The following DIP2B variants were observed in gnomAD, a reference collection of about 807,000 sequenced individuals.
DIP2B encodes the protein disco-interacting protein 2 homolog B.
Under a neutral mutation model 198.0 loss-of-function variants are expected in DIP2B, and 76 were observed. The ratio of observed to expected loss-of-function variants is 0.38; its 90% CI spans 0.32 to 0.46. The LOEUF (loss-of-function observed/expected upper bound fraction) is 0.46. Ranked by LOEUF, DIP2B falls within the 20% of genes least tolerant of loss-of-function variation. The probability of loss-of-function intolerance (pLI) is 0.99; values close to 1 mark genes in which losing one functional copy is unlikely to be tolerated. For synonymous variants in DIP2B, 701 were observed against 739.1 expected (o/e 0.95, Z 0.84); for missense variants, 1,559 against 1,978.4 (o/e 0.79, Z 4.02).
At chr12:50,682,392 A>G (rs1195995831) in intron 9 of DIP2B, among the ~76,000 whole-genome samples, 2 of 152,108 alleles carry the variant, frequency 1.3e-5, no homozygotes. Context: ...TTGGGAGGCC[A>G]AGGCAGGCAG....
At chr12:50,739,777 G>A (rs1327834833) in intron 36 of DIP2B, among the ~76,000 whole-genome samples, 191 bp downstream of exon 36, 2 of 152,218 alleles carry the variant, frequency 1.3e-5, no homozygotes, top group Non-Finnish European at 2.9e-5. Flanking sequence ...AGAGGTGAGC[G>A]CTTGGGGCAA....
intron 1 of DIP2B, among the ~76,000 whole-genome samples, chr12:50,518,859 A>G (rs766245983): frequency 6.6e-5 from 10 of 151,878 alleles, no homozygotes; most frequent in Non-Finnish European, 1.2e-4. Flanking sequence ...TACACAAGCA[A>G]TCCTCCAAGT....
intron 4 of DIP2B, among the ~76,000 whole-genome samples, chr12:50,663,872 TAAAAAAAAAAAA>T (rs397934701): frequency 9.5e-6 from 1 of 104,844 alleles, no homozygotes; most frequent in Non-Finnish European, 1.9e-5. Context: ...CCCATCTCTT[TAAAAAAAAAAAA>T]AAAAAAAAAA....
At chr12:50,660,894 C>A (rs1938634332) in intron 4 of DIP2B, among the ~76,000 whole-genome samples, 1 of 152,044 alleles carries the variant, frequency 6.6e-6, no homozygotes, top group Non-Finnish European at 1.5e-5. Flanking sequence ...TTTTAAGAAT[C>A]TACTTTTTAT....
intron 22 of DIP2B, among the ~76,000 whole-genome samples, chr12:50,709,132 A>G (rs1480538121): frequency 2.0e-5 from 3 of 152,238 alleles, no homozygotes; most frequent in African/African-American, 7.2e-5. Context: ...TCCCAGCTCC[A>G]CTTCTTACCA....
intron 3 of DIP2B, among the ~76,000 whole-genome samples, chr12:50,655,392 A>G (rs1938537264): frequency 6.6e-6 from 1 of 152,236 alleles, no homozygotes; most frequent in Non-Finnish European, 1.5e-5. Context: ...TTGGGGCAGA[A>G]GTGATTGTTC....
At chr12:50,518,338 C>A (rs532586011) in intron 1 of DIP2B, among the ~76,000 whole-genome samples, 2 of 151,644 alleles carry the variant, frequency 1.3e-5, no homozygotes, top group Admixed American at 1.3e-4. Flanking sequence ...GATTCTGCTT[C>A]TTCAGCCTCC....
intron 3 of DIP2B, among the ~76,000 whole-genome samples, chr12:50,641,495 A>G (rs1343669903): frequency 6.6e-6 from 1 of 152,232 alleles, no homozygotes; most frequent in Non-Finnish European, 1.5e-5. Context: ...TGGTACTAGG[A>G]GACCTCAGTG....
At chr12:50,539,618 C>CAAAAA (rs59642964) in intron 1 of DIP2B, among the ~76,000 whole-genome samples, 1 of 132,884 alleles carries the variant, frequency 7.5e-6, no homozygotes, top group East Asian at 2.2e-4. Flanking sequence ...TACTCTGTCT[C>CAAAAA]AAAAAAAAAA....
In DIP2B at chr12:50,728,590, C is replaced by G; in HGVS notation, c.3553C>G (p.Leu1185Val). The stretch of plus-strand genomic sequence containing the variant: ...GAACGCTCTGTGTCGAGCCATCAAG[C>G]TCCAGTGTGAGTTGTACTCTTCTCG... ...AVNALCRAIK[L>V]QCELYSSRQI... The change falls in exon 30 of 38, where the codon CTC (leucine) becomes GTC (valine). Residue 1185 changes from leucine (L) to valine (V), a missense_variant. Coordinates refer to ENST00000301180, the MANE Select transcript of DIP2B (RefSeq NM_173602.3). 1 of 1,614,184 alleles carries G rather than the reference C, an allele frequency of 6.2e-7. No homozygotes were observed. The highest frequency in any genetic ancestry group is 8.5e-7 in the Non-Finnish European group (1 of 1,180,016).
At chr12:50,580,106 T>C (rs535635686) in intron 1 of DIP2B, among the ~76,000 whole-genome samples, 2 of 148,860 alleles carry the variant, frequency 1.3e-5, no homozygotes, top group Admixed American at 1.4e-4. Flanking sequence ...AAATTGGTCA[T>C]ATCACGTGGA....
chr12:50,624,077 C>T (rs1390981792), intron 1 of DIP2B, among the ~76,000 whole-genome samples: 1 of 152,088 alleles, frequency 6.6e-6, no homozygotes, highest in African/African-American at 2.4e-5. Context: ...TGAATGTTAT[C>T]ATTGAATAAA....
At chr12:50,742,411 A>AAAAAAAAAAAC (rs1940264531) in intron 37 of DIP2B, among the ~76,000 whole-genome samples, 2 of 146,902 alleles carry the variant, frequency 1.4e-5, no homozygotes, top group Non-Finnish European at 3.0e-5. Context: ...AAAAAAAAAA[A>AAAAAAAAAAAC]AAAAAAAAAA....
At chr12:50,648,585 G>C (rs756478015) in intron 3 of DIP2B, among the ~76,000 whole-genome samples, 13 of 151,178 alleles carry the variant, frequency 8.6e-5, no homozygotes, top group Admixed American at 6.6e-4. Flanking sequence ...GGATGGTCTC[G>C]ATCTCCTGGC....
intron 7 of DIP2B, 109 bp from the exon 8 acceptor site, chr12:50,678,570 A>T: frequency 8.2e-7 from 1 of 1,218,828 alleles, no homozygotes; most frequent in Non-Finnish European, 1.1e-6. Context: ...AAGTGAGTTT[A>T]AACCAGGTAA....
chr12:50,630,485 A>G (rs1007026879), intron 2 of DIP2B, among the ~76,000 whole-genome samples: 3 of 151,960 alleles, frequency 2.0e-5, no homozygotes, highest in Non-Finnish European at 2.9e-5. Flanking sequence ...TAAGAATTAT[A>G]ATCTTCCTTG....
intron 1 of DIP2B, among the ~76,000 whole-genome samples, chr12:50,589,290 A>G (rs1958798749): frequency 6.9e-6 from 1 of 145,678 alleles, no homozygotes; most frequent in African/African-American, 2.5e-5. Flanking sequence ...GCTGGAGTGC[A>G]GTGGCTTGAT....
At chr12:50,743,038 T>G (rs1296670448) in intron 37 of DIP2B, among the ~76,000 whole-genome samples, 2 of 152,164 alleles carry the variant, frequency 1.3e-5, no homozygotes, top group African/African-American at 4.8e-5. Flanking sequence ...TTTTAGACAT[T>G]TGACTCTTAA....
intron 1 of DIP2B, among the ~76,000 whole-genome samples, chr12:50,542,514 T>C (rs1047154157): frequency 2.0e-5 from 3 of 152,198 alleles, no homozygotes; most frequent in East Asian, 1.9e-4. Context: ...TTCATGCCCA[T>C]GTCTGATGTG....
Sources: gnomAD v4.1 joint callset for allele counts (sites outside exome capture counted in the v4.1 genomes callset) on GRCh38, gnomAD v4.1.1 for gene constraint, MANE v1.5 for transcripts, NCBI Gene and HGNC (gene_info 2026-07-23, HGNC 2026-07-21) for gene names.